PGLYRP2: variants seen among roughly 807,000 people sequenced by gnomAD.
The protein encoded by PGLYRP2 is N-acetylmuramoyl-L-alanine amidase.
A neutral mutation model predicts 46.2 loss-of-function variants in PGLYRP2; 38 were observed. That is an observed-to-expected ratio of 0.82 (90% CI 0.64 to 1.08). PGLYRP2 has a LOEUF of 1.08. Ranked by LOEUF, PGLYRP2 falls within the 50% of genes least tolerant of loss-of-function variation. The pLI, the probability that PGLYRP2 is intolerant of heterozygous loss-of-function variation, is 0.00. For missense variants in PGLYRP2, 713 were observed against 755.9 expected, an observed-to-expected ratio of 0.94 and a Z score of 0.67; for synonymous variants, 289 against 329.4, an observed-to-expected ratio of 0.88 and a Z score of 1.33.
In PGLYRP2 at chr19:15,472,111, G is replaced by C. The variant is rs776736189; in HGVS notation, c.1133-11C>G. On this transcript the variant is annotated splice_polypyrimidine_tract_variant and intron_variant, in intron 2 of 4. Transcript: ENST00000340880. ...GGATGGCCGGGCATCCTACAGGCAAGGGGGTTGAAGGCTGGGGTCAGGAAC... is the reference window on the plus strand; with the variant it reads ...GGATGGCCGGGCATCCTACAGGCAACGGGGTTGAAGGCTGGGGTCAGGAAC... 6.3e-7 allele frequency: 1 copy of C among 1,595,736 alleles called. No homozygotes were observed. The highest frequency in any genetic ancestry group is 1.3e-5 in the African/African-American group (1 of 74,936).
chr19:15,479,278 G>T (rs759030891), intron 1 of PGLYRP2, 33 bp downstream of exon 1: 15 of 1,611,674 alleles, frequency 9.3e-6, no homozygotes, highest in Non-Finnish European at 8.5e-7. Flanking sequence ...AGAGCCAAGA[G>T]GTTTGGTCCC....
intron 3 of PGLYRP2, among the ~76,000 whole-genome samples, chr19:15,470,237 T>TTCCTTTCC (rs1970732105): frequency 8.8e-5 from 10 of 113,982 alleles, no homozygotes; most frequent in South Asian, 3.1e-4. Flanking sequence ...TTGGGTTTTT[T>TTCCTTTCC]TTCTTTCCTT....
At position 15,471,940 on chromosome 19, in the gene PGLYRP2, G is replaced by A; in HGVS notation, c.1293C>T (p.Ser431=). The A allele has an allele frequency of 6.2e-7, 1 of 1,614,122 alleles. No individual in the cohort carries two copies. The highest frequency in any genetic ancestry group is 8.5e-7 in the Non-Finnish European group (1 of 1,179,976). The change falls in exon 3 of 5, where the codon TCC becomes TCT. Residue 431 remains serine, a synonymous_variant. Coordinates refer to ENST00000340880, the MANE Select transcript of PGLYRP2 (RefSeq NM_052890.4). ...GCGTGTCCTGGTGGTAGCGCTGCAT[G>A]GAGCGCATGTTGGCTGCGCAGCGCG... ...DFTRCAANMR[S]MQRYHQDTQG... is the part of the protein sequence containing the mutation.
chr19:15,469,618 C>T lies in PGLYRP2; in HGVS notation c.1641+14G>A. ...GGGGCGGCGGGCCGTGTAGTGCAGG[C>T]TGCGAAGACTCACCGCGGTGAAGTG... On this transcript the variant is annotated intron_variant, in intron 4 of 4. Transcript: ENST00000340880. The surrounding 1 kb of genome is among the most constrained non-coding windows in gnomAD (Gnocchi z 4.9). 3.8e-6 allele frequency: 6 copies of T among 1,574,886 alleles called. No individual in the cohort carries two copies. Among genetic ancestry groups the T allele is most frequent in the African/African-American group, 1.3e-5 (1 of 74,504 alleles).
chr19:15,476,113 C>T lies in PGLYRP2; in HGVS notation c.557G>A (p.Gly186Glu), dbSNP rs757340583. ...GSPDVTTADI[G>E]ANTPDATKGC... Reference sequence around the variant, plus strand: ...TTTTGTAGCATCTGGAGTGTTGGCTCCAATATCTGCAGTGGTGACATCTGG... The same window carrying T: ...TTTTGTAGCATCTGGAGTGTTGGCTTCAATATCTGCAGTGGTGACATCTGG... Residue 186 changes from glycine (G) to glutamate (E), a missense_variant, in exon 2 of 5, where the codon GGA becomes GAA. Transcript: ENST00000340880. The T allele has an allele frequency of 1.4e-5, 22 of 1,614,024 alleles. No homozygotes were observed. The African/African-American group carries it at 2.8e-4, about 21-fold the overall frequency.
chr19:15,473,354 C>T (rs990937430), intron 2 of PGLYRP2, among the ~76,000 whole-genome samples: 21 of 151,268 alleles, frequency 1.4e-4, no homozygotes, highest in Admixed American at 8.0e-4. Context: ...CCTGTAATCC[C>T]AGCTATGTGG....
intron 1 of PGLYRP2, among the ~76,000 whole-genome samples, chr19:15,477,290 G>A (rs1186061388): frequency 6.6e-6 from 1 of 151,828 alleles, no homozygotes; most frequent in Admixed American, 6.6e-5. Context: ...CTACTTGGGA[G>A]GCTGAGACGG....
chr19:15,476,959 A>T (rs1018549793), intron 1 of PGLYRP2, among the ~76,000 whole-genome samples: 5 of 152,154 alleles, frequency 3.3e-5, no homozygotes, highest in African/African-American at 1.2e-4. Flanking sequence ...GAGGTGAGAG[A>T]TGAAGGTGGC....
At position 15,479,413 on chromosome 19, in the gene PGLYRP2, C is replaced by A; in HGVS notation, c.-42G>T. 6.2e-7 allele frequency: 1 copy of A among 1,601,856 alleles called. No individual in the cohort carries two copies. The highest frequency in any genetic ancestry group is 1.1e-5 in the South Asian group (1 of 89,982). On this transcript the variant is annotated 5_prime_UTR_variant, in exon 1 of 5. In the 5' UTR this introduces an upstream ATG that the reference lacks. Transcript: ENST00000340880. ...CTTCCAAGGGGTATTTCTGGTTGGC[C>A]TCGGCAGAGAACCTCGGCAGTGCTG...
Position 15,469,244 on chromosome 19 carries a change from G to T in PGLYRP2, c.1641+388C>A. On this transcript the variant is annotated intron_variant, in intron 4 of 4. Transcript: ENST00000340880. The surrounding 1 kb of genome is among the most constrained non-coding windows in gnomAD (Gnocchi z 4.9). ...GTCAAGGTTCGGCGGGCCAGGATGA[G>T]GTGGTGCAGCCTGACAGGTTGTGAC... The T allele has an allele frequency of 1.7e-6, 1 of 600,728 alleles. No individual in the cohort carries two copies. Among genetic ancestry groups the T allele is most frequent in the Non-Finnish European group, 3.0e-6 (1 of 335,718 alleles). 37.2% of individuals were successfully genotyped at this position (600,728 alleles called of 1,614,324 possible).
chr19:15,474,630 G>A (rs564484755), intron 2 of PGLYRP2, among the ~76,000 whole-genome samples: 7 of 152,182 alleles, frequency 4.6e-5, no homozygotes, highest in Non-Finnish European at 1.0e-4. Flanking sequence ...TTCCAGCTAG[G>A]GTGATTGCCA....
rs202117507 is a variant in PGLYRP2 at position 15,479,196 on chromosome 19, TTTGAGAGC to T, written c.61+107_61+114del. The T allele has an allele frequency of 7.1e-4, 777 of 1,096,348 alleles. 8 individuals are homozygous for T. The African/African-American group carries it at 0.01, about 14-fold the overall frequency. The allele number at this position is 1,096,348 out of a possible 1,614,324, so 67.9% of individuals were successfully genotyped here. On this transcript the variant is annotated intron_variant, in intron 1 of 4. Coordinates refer to ENST00000340880, the MANE Select transcript of PGLYRP2 (RefSeq NM_052890.4). ...ATCTATGTCCCCATGCTGGAGCTTC[TTTGAGAGC>T]TTGAGTCTCCAGCCTCACTCCATGC...
rs1453989381 is a variant in PGLYRP2, at chr19:15,469,552, C to A, written c.1641+80G>T. The A allele has an allele frequency of 2.2e-5, 34 of 1,526,132 alleles. No individual in the cohort carries two copies. The highest frequency in any genetic ancestry group is 3.0e-5 in the Non-Finnish European group (34 of 1,135,684). 94.5% of individuals were successfully genotyped at this position (1,526,132 alleles called of 1,614,324 possible). Reference sequence around the variant, plus strand: ...TGAGGCTGTGCGGGCACAGCTGTTACAGGCAGGGGGCAGGGGCCTCGTGGA... The same window carrying A: ...TGAGGCTGTGCGGGCACAGCTGTTAAAGGCAGGGGGCAGGGGCCTCGTGGA... On this transcript the variant is annotated intron_variant, in intron 4 of 4. Transcript: ENST00000340880. This position sits in a 1 kb window ranked among gnomAD's most constrained non-coding sequence, Gnocchi z 4.9.
At chr19:15,477,536 A>G (rs1373736526) in intron 1 of PGLYRP2, among the ~76,000 whole-genome samples, 1 of 151,462 alleles carries the variant, frequency 6.6e-6, no homozygotes, top group East Asian at 1.9e-4. Context: ...CGTCACTACT[A>G]AAAATACAAA....
At chr19:15,470,617 C>G (rs1970739466) in intron 3 of PGLYRP2, among the ~76,000 whole-genome samples, 1 of 146,912 alleles carries the variant, frequency 6.8e-6, no homozygotes, top group African/African-American at 2.5e-5. Flanking sequence ...TTCTCCCCTC[C>G]CCTCGCCACC....
rs970338527 is a variant in PGLYRP2, at chr19:15,472,913, C to T, written c.1133-813G>A. Among the ~76,000 whole-genome samples the T allele has an allele frequency of 3.9e-5, 6 of 152,100 alleles. No individual in the cohort carries two copies. The South Asian group carries it at 8.3e-4, about 21-fold the overall frequency. On this transcript the variant is annotated intron_variant, in intron 2 of 4. Coordinates refer to ENST00000340880, the MANE Select transcript of PGLYRP2 (RefSeq NM_052890.4). ...CAAAACGAGCCTGGTATCACATTACCTGACTTCAAATTATACTACAATACT... is the reference window on the plus strand; with the variant it reads ...CAAAACGAGCCTGGTATCACATTACTTGACTTCAAATTATACTACAATACT...
intron 1 of PGLYRP2, among the ~76,000 whole-genome samples, chr19:15,478,272 G>A (rs982133268): frequency 1.1e-4 from 17 of 152,008 alleles, no homozygotes; most frequent in African/African-American, 3.6e-4. Context: ...TGTTGAACCC[G>A]GGAGGTGGAG....
In PGLYRP2 at chr19:15,475,909, G is replaced by T; in HGVS notation, c.761C>A (p.Ala254Asp). 1.2e-6 allele frequency: 2 copies of T among 1,614,138 alleles called. No homozygotes were observed. Among genetic ancestry groups the T allele is most frequent in the African/African-American group, 1.3e-5 (1 of 75,042 alleles). The stretch of plus-strand genomic sequence containing the variant: ...GTCCAAAAGCGTAAAGGTCCGAGGG[G>T]CAGAGAGCTGGTCCCAGCAGCCCTC... ...GTEGCWDQLS[A>D]PRTFTLLDPK... is the part of the protein sequence containing the mutation. Residue 254 changes from alanine (A) to aspartate (D), a missense_variant, in exon 2 of 5, where the codon GCC becomes GAC. Coordinates refer to ENST00000340880, the MANE Select transcript of PGLYRP2 (RefSeq NM_052890.4).
intron 3 of PGLYRP2, among the ~76,000 whole-genome samples, chr19:15,470,745 A>G (rs1970740855): frequency 6.6e-6 from 1 of 151,014 alleles, no homozygotes. Context: ...CCCAGGTTCA[A>G]GTGATTCTCC....
Sources: allele counts gnomAD v4.1 joint callset (sites outside exome capture counted in the v4.1 genomes callset), GRCh38; gene constraint gnomAD v4.1.1; non-coding constraint Gnocchi (gnomAD v3.1); transcripts MANE v1.5; gene names NCBI Gene and HGNC (gene_info 2026-07-23, HGNC 2026-07-21).